PCDHGB6: variants seen among roughly 807,000 people sequenced by gnomAD.
The protein encoded by PCDHGB6 is protocadherin gamma-B6.
Under a neutral mutation model 59.1 loss-of-function variants are expected in PCDHGB6, and 51 were observed. That is an observed-to-expected ratio of 0.86 (90% confidence interval 0.69 to 1.09). PCDHGB6 has a LOEUF of 1.09. Ranked by LOEUF, PCDHGB6 falls within the 50% of genes least tolerant of loss-of-function variation. The pLI is 0.00. For synonymous variants in PCDHGB6, 466 were observed against 495.1 expected (o/e 0.94, Z 0.78); for missense variants, 1,148 against 1,205.1 (o/e 0.95, Z 0.70).
At chr5:141,505,353 G>A (rs376781305) in intron 2 of PCDHGB6, 40 bp from the exon 3 acceptor site, 51 of 1,613,426 alleles carry the variant, frequency 3.2e-5, no homozygotes, top group East Asian at 2.7e-4. Flanking sequence ...GAGCTGTGCC[G>A]GCCTGGGAGT....
At chr5:141,505,913 T>C (rs1457583355) in intron 3 of PCDHGB6, among the ~76,000 whole-genome samples, 1 of 152,098 alleles carries the variant, frequency 6.6e-6, no homozygotes, top group African/African-American at 2.4e-5. Context: ...AAGCATAGAG[T>C]TCTGGGCCTG....
intron 1 of PCDHGB6, among the ~76,000 whole-genome samples, chr5:141,473,313 T>C (rs1173941642): frequency 2.7e-4 from 41 of 152,246 alleles, no homozygotes; most frequent in Non-Finnish European, 5.9e-5. Context: ...GCTATATTAA[T>C]AAGCATTAAG....
At chr5:141,499,029 A>AAGGAAGGAAGGAAGGAAGGAAGG (rs1562187768) in intron 2 of PCDHGB6, among the ~76,000 whole-genome samples, 1 of 139,968 alleles carries the variant, frequency 7.1e-6, no homozygotes, top group African/African-American at 2.8e-5. Flanking sequence ...AGGAAGGAAG[A>AAGGAAGGAAGGAAGGAAGGAAGG]AAAGAAAGAA....
rs1340366910 is a variant in PCDHGB6 at position 141,490,965 on chromosome 5, C to T, written c.2419-3842C>T. The T allele has an allele frequency of 2.5e-6, 4 of 1,613,738 alleles. No homozygotes were observed. The highest frequency in any genetic ancestry group is 2.7e-5 in the African/African-American group (2 of 74,934). On this transcript the variant is annotated intron_variant, in intron 1 of 3. Transcript: ENST00000520790. This position sits in a 1 kb window ranked among gnomAD's most constrained non-coding sequence, Gnocchi z 5.4. Reference sequence around the variant, plus strand: ...CACGGCCAGACTGGGAACACTCAGCCCCCCAGCGTCTCCCTCGCTCTGCTC... The same window carrying T: ...CACGGCCAGACTGGGAACACTCAGCTCCCCAGCGTCTCCCTCGCTCTGCTC...
intron 1 of PCDHGB6, among the ~76,000 whole-genome samples, chr5:141,482,554 A>T (rs997707871): frequency 4.1e-5 from 6 of 146,884 alleles, no homozygotes; most frequent in Non-Finnish European, 6.0e-5. Flanking sequence ...AAAAAAGATA[A>T]TGGAGATCTG....
Position 141,410,207 on chromosome 5 carries a change from C to T in PCDHGB6, c.2005C>T (p.Gln669Ter). The T allele has an allele frequency of 6.2e-7, 1 of 1,614,024 alleles. No individual in the cohort carries two copies. The highest frequency in any genetic ancestry group is 1.3e-5 in the African/African-American group (1 of 75,066). ...TLHLVFADNL[Q>*]EILPDLSDRP... ...TCATCTGGTCTTCGCAGACAACTTG[C>T]AAGAGATACTGCCAGACCTCAGCGA... Residue 669 changes from glutamine to a stop codon, truncating the protein, a stop_gained, in exon 1 of 4, where the codon CAA becomes TAA. Coordinates refer to ENST00000520790, the MANE Select transcript of PCDHGB6 (RefSeq NM_018926.3). LOFTEE classifies it high-confidence loss of function.
intron 1 of PCDHGB6, among the ~76,000 whole-genome samples, chr5:141,434,605 T>C (rs1448149059): frequency 6.6e-6 from 1 of 152,198 alleles, no homozygotes; most frequent in Non-Finnish European, 1.5e-5. Context: ...ATCCCTTTAT[T>C]TCCGCCCATC....
chr5:141,490,419 G>C lies in PCDHGB6; in HGVS notation c.2419-4388G>C. The C allele has an allele frequency of 6.2e-7, 1 of 1,614,170 alleles. No homozygotes were observed. Among genetic ancestry groups the C allele is most frequent in the Non-Finnish European group, 8.5e-7 (1 of 1,180,020 alleles). ...TGAGCCTTGATATCTCTCCGGACCT[G>C]CCATTTCAGATTAAGCCTTCTGAGA... On this transcript the variant is annotated intron_variant, in intron 1 of 3. Transcript: ENST00000520790. The surrounding 1 kb of genome is among the most constrained non-coding windows in gnomAD (Gnocchi z 5.4).
chr5:141,413,992 A>G (rs1437832303), intron 1 of PCDHGB6: 1 of 1,613,538 alleles, frequency 6.2e-7, no homozygotes, highest in Admixed American at 1.7e-5. Flanking sequence ...AGCCACCGAC[A>G]GGGACGAAGG....
At position 141,421,139 on chromosome 5, in the gene PCDHGB6, A is replaced by T. The variant is rs2096548615; in HGVS notation, c.2418+10519A>T. Reference sequence around the variant, plus strand: ...TCCTTCGCTTTCTGATATATTTTGGATGTAGTCGGCCTAGGACTTCATAGA... The same window carrying T: ...TCCTTCGCTTTCTGATATATTTTGGTTGTAGTCGGCCTAGGACTTCATAGA... On this transcript the variant is annotated intron_variant, in intron 1 of 3. Transcript: ENST00000520790. 5 of 913,574 alleles carry T rather than the reference A, an allele frequency of 5.5e-6. No individual in the cohort carries two copies. The South Asian group carries it at 8.8e-5, about 16-fold the overall frequency. 56.6% of individuals were successfully genotyped at this position (913,574 alleles called of 1,614,324 possible). A position where few individuals can be genotyped will look rare whatever the true frequency, so the allele number is the denominator to read the frequency against.
chr5:141,410,589 A>G lies in PCDHGB6; in HGVS notation c.2387A>G (p.Asp796Gly), dbSNP rs2095410065. ...TTAATTCCACCTCATGGTGGGGAGGATTTGACTTCACATCCTGAGACTCTG... is the reference window on the plus strand; with the variant it reads ...TTAATTCCACCTCATGGTGGGGAGGGTTTGACTTCACATCCTGAGACTCTG... ...GALIPPHGGE[D>G]LTSHPETLTS... Residue 796 changes from aspartate (D) to glycine (G), a missense_variant, in exon 1 of 4, where the codon GAT (aspartate) becomes GGT (glycine). Physicochemically the swap from Asp to Gly is moderately conservative, Grantham distance 94. Coordinates refer to ENST00000520790, the MANE Select transcript of PCDHGB6 (RefSeq NM_018926.3). 1 of 1,609,086 alleles carries G rather than the reference A, an allele frequency of 6.2e-7. No individual in the cohort carries two copies. Among genetic ancestry groups the G allele is most frequent in the Non-Finnish European group, 8.5e-7 (1 of 1,179,820 alleles).
At chr5:141,457,062 T>C (rs1168687034) in intron 1 of PCDHGB6, among the ~76,000 whole-genome samples, 1 of 152,232 alleles carries the variant, frequency 6.6e-6, no homozygotes, top group Non-Finnish European at 1.5e-5. Context: ...GCTTCCTTTT[T>C]GCCAGTAACT....
Position 141,491,930 on chromosome 5 carries a change from G to A in PCDHGB6, c.2419-2877G>A, listed in dbSNP as rs2099735399. On this transcript the variant is annotated intron_variant, in intron 1 of 3. Transcript: ENST00000520790. The surrounding 1 kb of genome is among the most constrained non-coding windows in gnomAD (Gnocchi z 6.9). ...GTGGCGACTGTGGGCGAGGGGAGGT[G>A]GGACCGACCCCCACCCCTACACTCA... 1.6e-6 allele frequency: 2 copies of A among 1,276,580 alleles called. No homozygotes were observed. The highest frequency in any genetic ancestry group is 2.1e-6 in the Non-Finnish European group (2 of 943,112). 79.1% of individuals were successfully genotyped at this position (1,276,580 alleles called of 1,614,324 possible).
chr5:141,409,951 G>T lies in PCDHGB6; in HGVS notation c.1749G>T (p.Glu583Asp). ...TCGATATGGTACCTCGCTCTGCAGA[G>T]CCCGGCTACCTAGTGACTAAGGTGG... is the stretch of plus-strand genomic sequence containing the variant. The part of the protein sequence containing the change: ...AFFDMVPRSA[E>D]PGYLVTKVVA... Residue 583 changes from glutamate to aspartate, a missense_variant, in exon 1 of 4, where the codon GAG becomes GAT. By Grantham distance (45) the Glu-to-Asp change is conservative. This residue lies in a region of PCDHGB6 where 549 missense variants were observed against 527.5 expected (regional missense o/e 1.04). Transcript: ENST00000520790. 1 of 1,613,374 alleles carries T rather than the reference G, an allele frequency of 6.2e-7. No homozygotes were observed. Among genetic ancestry groups the T allele is most frequent in the Non-Finnish European group, 8.5e-7 (1 of 1,179,798 alleles).
At chr5:141,475,950 C>T (rs1236145505) in intron 1 of PCDHGB6, 3 of 761,526 alleles carry the variant, frequency 3.9e-6, no homozygotes, top group East Asian at 2.7e-5. Context: ...CCCCTTTCTG[C>T]GCCCCGGGAT....
At position 141,490,346 on chromosome 5, in the gene PCDHGB6, T is replaced by G. The variant is rs1396321935; in HGVS notation, c.2419-4461T>G. 1.2e-6 allele frequency: 2 copies of G among 1,614,046 alleles called. No individual in the cohort carries two copies. Among genetic ancestry groups the G allele is most frequent in the African/African-American group, 2.7e-5 (2 of 74,900 alleles). ...GAGAGCACACCAGTGGGCACAGTAG[T>G]GGGGTTGTTTAATGTGCGAGACCGG... On this transcript the variant is annotated intron_variant, in intron 1 of 3. Coordinates refer to ENST00000520790, the MANE Select transcript of PCDHGB6 (RefSeq NM_018926.3). This position sits in a 1 kb window ranked among gnomAD's most constrained non-coding sequence, Gnocchi z 5.4.
chr5:141,414,554 C>G (rs1184557964), intron 1 of PCDHGB6: 3 of 1,613,880 alleles, frequency 1.9e-6, no homozygotes, highest in East Asian at 2.2e-5. Context: ...TCTCAAGTCT[C>G]CTACTTTACC....
rs201006002 is a variant in PCDHGB6, at chr5:141,432,497, C to T, written c.2418+21877C>T. 7 of 1,614,062 alleles carry T rather than the reference C, an allele frequency of 4.3e-6. 1 individual carries two copies. In the South Asian group the frequency reaches 6.6e-5, roughly 15 times the overall value. On this transcript the variant is annotated intron_variant, in intron 1 of 3. Transcript: ENST00000520790. This position sits in a 1 kb window ranked among gnomAD's most constrained non-coding sequence, Gnocchi z 6.0. Reference sequence around the variant, plus strand: ...TTCCACTGGCGTGGAGCTGGCTCCCCGCTCCGCAGAGCCCGGCTACCTGGT... The same window carrying T: ...TTCCACTGGCGTGGAGCTGGCTCCCTGCTCCGCAGAGCCCGGCTACCTGGT...
At chr5:141,482,943 G>T (rs2099574928) in intron 1 of PCDHGB6, among the ~76,000 whole-genome samples, 1 of 152,086 alleles carries the variant, frequency 6.6e-6, no homozygotes, top group Non-Finnish European at 1.5e-5. Context: ...TGTGGTTGTG[G>T]GTGCCTGTAA....
Sources: gnomAD v4.1 joint callset for allele counts (sites outside exome capture counted in the v4.1 genomes callset) on GRCh38, gnomAD v4.1.1 for gene constraint, gnomAD v4.1.1 regional missense constraint, Gnocchi (gnomAD v3.1) non-coding constraint, MANE v1.5 for transcripts, NCBI Gene and HGNC (gene_info 2026-07-23, HGNC 2026-07-21) for gene names.